TRIM42: variants seen among roughly 807,000 people sequenced by gnomAD.
TRIM42 encodes tripartite motif-containing protein 42.
A neutral mutation model predicts 64.9 loss-of-function variants in TRIM42; 59 were observed. That is an observed-to-expected ratio of 0.91 (90% CI 0.74 to 1.13). The LOEUF (loss-of-function observed/expected upper bound fraction) is 1.13. Among genes scored for constraint, TRIM42 ranks in the 50% most tolerant of loss-of-function variants. The pLI is 0.00. For synonymous variants in TRIM42, 354 were observed against 346.3 expected, an observed-to-expected ratio of 1.02 and a Z score of -0.25; for missense variants, 878 against 929.5, an observed-to-expected ratio of 0.94 and a Z score of 0.72.
At chr3:140,681,362 G>A (rs1988389488) in intron 1 of TRIM42, among the ~76,000 whole-genome samples, 2 of 152,156 alleles carry the variant, frequency 1.3e-5, no homozygotes. Context: ...GCACTTACAT[G>A]GATTACCTTT....
intron 4 of TRIM42, among the ~76,000 whole-genome samples, chr3:140,699,183 C>A (rs1988931127): frequency 6.6e-6 from 1 of 152,126 alleles, no homozygotes; most frequent in Admixed American, 6.5e-5. Flanking sequence ...TGGAATAAAT[C>A]CTGTGTGTTC....
intron 1 of TRIM42, 37 bp downstream of exon 1, chr3:140,678,607 T>C: frequency 1.3e-6 from 2 of 1,557,040 alleles, no homozygotes; most frequent in Non-Finnish European, 1.7e-6. Context: ...CCGCATTGGG[T>C]CATGAAAACT....
Position 140,688,460 on chromosome 3 carries a change from G to T in TRIM42, c.1778G>T (p.Trp593Leu). 1.9e-6 allele frequency: 3 copies of T among 1,614,164 alleles called. No homozygotes were observed. Among genetic ancestry groups the T allele is most frequent in the Non-Finnish European group, 2.5e-6 (3 of 1,180,044 alleles). ...SVQNSSSFHN[W>L]YSFNDGSVKT... ...CAGAACAGCAGCAGCTTCCACAACT[G>T]GTACTCATTCAACGATGGCTCTGTG... Residue 593 changes from tryptophan to leucine, a missense_variant, in exon 3 of 5, where the codon TGG becomes TTG. Coordinates refer to ENST00000286349, the MANE Select transcript of TRIM42 (RefSeq NM_152616.5).
intron 4 of TRIM42, among the ~76,000 whole-genome samples, chr3:140,694,199 T>G (rs1313985557): frequency 1.3e-5 from 2 of 152,172 alleles, no homozygotes; most frequent in African/African-American, 2.4e-5. Flanking sequence ...GAGCTGAACT[T>G]TTATTTTTTG....
In TRIM42 at chr3:140,683,163, C is replaced by T; in HGVS notation, c.1039+4C>T. 1 of 1,613,388 alleles carries T rather than the reference C, an allele frequency of 6.2e-7. No individual in the cohort carries two copies. On this transcript the variant is annotated splice_donor_region_variant and intron_variant, in intron 2 of 4. Coordinates refer to ENST00000286349, the MANE Select transcript of TRIM42 (RefSeq NM_152616.5). Reference sequence around the variant, plus strand: ...GCCATCGCCAAGTTCAAAGCAGGTCCTCCCCTTTTCCACTCCTTCAGCCTA... The same window carrying T: ...GCCATCGCCAAGTTCAAAGCAGGTCTTCCCCTTTTCCACTCCTTCAGCCTA...
intron 1 of TRIM42, among the ~76,000 whole-genome samples, chr3:140,680,197 T>C (rs953699020): frequency 6.6e-6 from 1 of 152,106 alleles, no homozygotes; most frequent in African/African-American, 2.4e-5. Flanking sequence ...CTGAGGCTTT[T>C]GGAGGATGGG....
At chr3:140,691,286 C>A in intron 4 of TRIM42, 94 bp downstream of exon 4, 1 of 1,032,844 alleles carries the variant, frequency 9.7e-7, no homozygotes, top group Non-Finnish European at 1.5e-6. Context: ...ATAGAACTCA[C>A]TATGGGACTC....
At chr3:140,699,782 A>G (rs1182971505) in intron 4 of TRIM42, among the ~76,000 whole-genome samples, 1 of 152,182 alleles carries the variant, frequency 6.6e-6, no homozygotes, top group Non-Finnish European at 1.5e-5. Flanking sequence ...CTACTCAGCA[A>G]TGGATAATCT....
chr3:140,699,987 C>T (rs1576423695), intron 4 of TRIM42, among the ~76,000 whole-genome samples: 2 of 152,280 alleles, frequency 1.3e-5, no homozygotes, highest in Non-Finnish European at 2.9e-5. Flanking sequence ...AAACATTCCT[C>T]TTCACCATAC....
At chr3:140,684,004 CCCATAATTTCTGGGTATGTCTCTA>C (rs1394226037) in intron 2 of TRIM42, among the ~76,000 whole-genome samples, 80 of 152,162 alleles carry the variant, frequency 5.3e-4, no homozygotes, top group African/African-American at 1.9e-3. Context: ...AACAAAGAGC[CCCATAATTTCTGGGTATGTCTCTA>C]CCTGGTCAGA....
chr3:140,689,457 G>A (rs1180445776), intron 3 of TRIM42, among the ~76,000 whole-genome samples: 2 of 152,114 alleles, frequency 1.3e-5, no homozygotes, highest in East Asian at 1.9e-4. Context: ...TGCACCTGGG[G>A]ATCTTGTTAA....
At position 140,682,443 on chromosome 3, in the gene TRIM42, C is replaced by T; in HGVS notation, c.342-19C>T. 1 of 1,601,958 alleles carries T rather than the reference C, an allele frequency of 6.2e-7. No individual in the cohort carries two copies. The highest frequency in any genetic ancestry group is 2.2e-5 in the East Asian group (1 of 44,680). ...CTTGAGCCTGCCTCCTGAAACCCTG[C>T]CTTTGCTTCTCCTTTCAGCTCCAAG... On this transcript the variant is annotated intron_variant, in intron 1 of 4. Coordinates refer to ENST00000286349, the MANE Select transcript of TRIM42 (RefSeq NM_152616.5).
intron 3 of TRIM42, 53 bp from the exon 4 acceptor site, chr3:140,690,915 A>G: frequency 1.4e-6 from 2 of 1,442,318 alleles, no homozygotes; most frequent in Non-Finnish European, 1.9e-6. Context: ...TAAGGGAAAG[A>G]AAGCTGAATG....
chr3:140,692,749 C>T (rs1213625234), intron 4 of TRIM42, among the ~76,000 whole-genome samples: 1 of 152,228 alleles, frequency 6.6e-6, no homozygotes, highest in Non-Finnish European at 1.5e-5. Context: ...GGCTGCCCCA[C>T]ATCCGCATGT....
chr3:140,687,619 A>G, intron 2 of TRIM42, 103 bp from the exon 3 acceptor site: 2 of 847,510 alleles, frequency 2.4e-6, no homozygotes, highest in Non-Finnish European at 3.6e-6. Context: ...CTCCCTCTTC[A>G]TTCACCTCCT....
At chr3:140,681,875 A>G (rs555122153) in intron 1 of TRIM42, among the ~76,000 whole-genome samples, 31 of 152,102 alleles carry the variant, frequency 2.0e-4, no homozygotes, top group African/African-American at 7.5e-4. Flanking sequence ...GTTAAAAAAA[A>G]AAAAATCAAC....
At position 140,682,734 on chromosome 3, in the gene TRIM42, T is replaced by G; in HGVS notation, c.614T>G (p.Leu205Arg). The G allele has an allele frequency of 6.2e-7, 1 of 1,612,824 alleles. No homozygotes were observed. The highest frequency in any genetic ancestry group is 2.2e-5 in the East Asian group (1 of 44,870). The change falls in exon 2 of 5, where the codon CTG becomes CGG. Residue 205 changes from leucine to arginine, a missense_variant. Physicochemically the swap from Leu to Arg is moderately radical, Grantham distance 102. Transcript: ENST00000286349. Reference protein sequence around the residue: ...HCMPYSNKMQLPENYLHGRLT... With the variant: ...HCMPYSNKMQRPENYLHGRLT... ...ATGCCCTACAGCAACAAGATGCAGC[T>G]GCCCGAGAACTACCTGCACGGGCGT...
chr3:140,685,274 A>G (rs1435440043), intron 2 of TRIM42, among the ~76,000 whole-genome samples: 1 of 152,240 alleles, frequency 6.6e-6, no homozygotes, highest in Non-Finnish European at 1.5e-5. Flanking sequence ...GATCCATTCT[A>G]GAAGCTTTAC....
chr3:140,680,551 C>A, intron 1 of TRIM42: 1 of 311,304 alleles, frequency 3.2e-6, no homozygotes, highest in Non-Finnish European at 4.7e-6. Context: ...CCTGTGAAGG[C>A]CTCATAACAG....
Sources: gnomAD v4.1 joint callset for allele counts (sites outside exome capture counted in the v4.1 genomes callset) on GRCh38, gnomAD v4.1.1 for gene constraint, MANE v1.5 for transcripts, NCBI Gene and HGNC (gene_info 2026-07-23, HGNC 2026-07-21) for gene names.